PRKCB: variants seen among roughly 807,000 people sequenced by gnomAD.
The protein encoded by PRKCB is protein kinase C beta.
PRKCB carries 13 observed loss-of-function variants against 81.5 expected under a neutral mutation model. The observed-to-expected ratio is 0.16, with a 90% CI of 0.10 to 0.25. PRKCB has a LOEUF of 0.25. Ranked by LOEUF, PRKCB falls within the 10% of genes least tolerant of loss-of-function variation. The pLI is 1.00. For missense variants in PRKCB, 509 were observed against 875.7 expected (o/e 0.58, Z 5.29); for synonymous variants, 335 against 321.4 (o/e 1.04, Z -0.45).
At chr16:24,131,494 C>T (rs1966853297) in intron 9 of PRKCB, among the ~76,000 whole-genome samples, 1 of 152,220 alleles carries the variant, frequency 6.6e-6, no homozygotes, top group Non-Finnish European at 1.5e-5. Flanking sequence ...AAAATTCAGA[C>T]CGTACAACAG....
chr16:23,865,527 G>A (rs1962772357), intron 2 of PRKCB, among the ~76,000 whole-genome samples: 66 of 1,688 alleles, frequency 0.039, no homozygotes, highest in South Asian at 0.056. Context: ...ATGTGTGTGT[G>A]TGTGTGTGTG....
intron 5 of PRKCB, among the ~76,000 whole-genome samples, chr16:24,042,690 CTT>C (rs1261563276): frequency 7.1e-6 from 1 of 140,012 alleles, no homozygotes. Context: ...TGTAGGGTTT[CTT>C]TTTTTTTTTT....
intron 5 of PRKCB, among the ~76,000 whole-genome samples, chr16:24,036,315 C>G (rs1356187776): frequency 6.6e-6 from 1 of 152,126 alleles, no homozygotes; most frequent in Non-Finnish European, 1.5e-5. Context: ...TGGAACTCAG[C>G]AGCACTGGCT....
chr16:23,986,981 C>T (rs552778780), intron 2 of PRKCB, among the ~76,000 whole-genome samples: 1 of 152,104 alleles, frequency 6.6e-6, no homozygotes, highest in Non-Finnish European at 1.5e-5. Flanking sequence ...AAAACAAGAC[C>T]ATTATCACAC....
intron 9 of PRKCB, among the ~76,000 whole-genome samples, chr16:24,138,253 C>G (rs1401169187): frequency 3.3e-5 from 5 of 152,174 alleles, no homozygotes; most frequent in Non-Finnish European, 5.9e-5. Flanking sequence ...AACCCGTTCT[C>G]TATTAGCAGT....
chr16:23,875,579 C>T (rs1466340060), intron 2 of PRKCB, among the ~76,000 whole-genome samples: 2 of 8,188 alleles, frequency 2.4e-4, no homozygotes, highest in African/African-American at 1.4e-3. Flanking sequence ...ATATCAAACA[C>T]ATATGTATAT....
At chr16:24,158,111 G>T (rs1567395757) in intron 10 of PRKCB, among the ~76,000 whole-genome samples, 1 of 152,114 alleles carries the variant, frequency 6.6e-6, no homozygotes, top group Non-Finnish European at 1.5e-5. Flanking sequence ...AAAGTGCTTG[G>T]AGAGACGCAC....
intron 3 of PRKCB, among the ~76,000 whole-genome samples, chr16:24,023,105 C>T (rs117954980): frequency 0.025 from 3,746 of 152,046 alleles, 58 homozygotes; most frequent in Middle Eastern, 0.061. Context: ...TTCTCTCTGT[C>T]ACTGGAGTGC....
chr16:24,193,063 G>T (rs947088703), intron 16 of PRKCB, among the ~76,000 whole-genome samples: 1 of 152,014 alleles, frequency 6.6e-6, no homozygotes, highest in South Asian at 2.1e-4. Context: ...GGGCTCATGC[G>T]ATGCTCTCAC....
At chr16:23,935,090 T>G (rs1429575419) in intron 2 of PRKCB, among the ~76,000 whole-genome samples, 1 of 152,104 alleles carries the variant, frequency 6.6e-6, no homozygotes, top group South Asian at 2.1e-4. Flanking sequence ...ATGGGCTTAA[T>G]AGGTACAAAC....
chr16:24,036,904 G>C (rs969888565), intron 5 of PRKCB, among the ~76,000 whole-genome samples: 8 of 152,170 alleles, frequency 5.3e-5, no homozygotes, highest in African/African-American at 1.9e-4. Flanking sequence ...ATGACTGCGG[G>C]CAGCCAACAT....
In PRKCB at chr16:24,153,421, G is replaced by T. The variant is rs536448045; in HGVS notation, c.1066-1263G>T. Among the ~76,000 whole-genome samples, 3 of 152,318 alleles carry T rather than the reference G, an allele frequency of 2.0e-5. No homozygotes were observed. In the South Asian group the frequency reaches 6.2e-4, roughly 32 times the overall value. ...AAAAGTGCTCAAAAATGTAATGGTG[G>T]TTAGTATTGTTGCCTGCAAAATATC... On this transcript the variant is annotated intron_variant, in intron 9 of 16. Transcript: ENST00000643927.
At chr16:23,873,333 A>G (rs1962943065) in intron 2 of PRKCB, among the ~76,000 whole-genome samples, 1 of 150,866 alleles carries the variant, frequency 6.6e-6, no homozygotes, top group Admixed American at 6.6e-5. Context: ...AAATCGTGCC[A>G]TTGCACTCCA....
chr16:24,129,686 T>C (rs1452483466), intron 9 of PRKCB, among the ~76,000 whole-genome samples: 2 of 149,964 alleles, frequency 1.3e-5, no homozygotes, highest in Non-Finnish European at 1.5e-5. Flanking sequence ...CTGTCTATCT[T>C]ATTATCTATC....
intron 15 of PRKCB, among the ~76,000 whole-genome samples, chr16:24,186,377 TGC>T (rs1967704681): frequency 1.3e-5 from 2 of 152,334 alleles, no homozygotes; most frequent in South Asian, 4.1e-4. Flanking sequence ...CCATTTGGCT[TGC>T]AGACCACTGC....
chr16:24,063,634 G>A (rs1279139014), intron 5 of PRKCB, among the ~76,000 whole-genome samples: 1 of 151,998 alleles, frequency 6.6e-6, no homozygotes, highest in African/African-American at 2.4e-5. Flanking sequence ...TTTTATAAGG[G>A]GAGAAAGAAT....
At chr16:24,164,556 C>G (rs969009152) in intron 10 of PRKCB, among the ~76,000 whole-genome samples, 2 of 152,130 alleles carry the variant, frequency 1.3e-5, no homozygotes, top group African/African-American at 2.4e-5. Flanking sequence ...GGTGAGTTTG[C>G]CTTTCCGAGC....
chr16:23,841,207 G>A (rs764376384), intron 2 of PRKCB, among the ~76,000 whole-genome samples: 20 of 152,168 alleles, frequency 1.3e-4, no homozygotes, highest in Middle Eastern at 3.4e-3. Flanking sequence ...AGCCTCCCAG[G>A]TTGCTGGGAT....
chr16:23,981,930 C>CCCCTT (rs1567333780), intron 2 of PRKCB, among the ~76,000 whole-genome samples: 1 of 71,980 alleles, frequency 1.4e-5, no homozygotes, highest in Admixed American at 1.6e-4. Flanking sequence ...CCCTTCCCTT[C>CCCCTT]CCCTTCCCTT....
Sources: allele counts gnomAD v4.1 joint callset (sites outside exome capture counted in the v4.1 genomes callset), GRCh38; gene constraint gnomAD v4.1.1; transcripts MANE v1.5; gene names NCBI Gene and HGNC (gene_info 2026-07-23, HGNC 2026-07-21).